The following PXDNL variants were observed in gnomAD, a reference collection of about 807,000 sequenced individuals.
PXDNL encodes the protein probable oxidoreductase PXDNL.
Under a neutral mutation model 150.8 loss-of-function variants are expected in PXDNL, and 145 were observed. That is an observed-to-expected ratio of 0.96 (90% CI 0.84 to 1.10). PXDNL has a LOEUF of 1.10. Ranked by LOEUF, PXDNL falls within the 50% of genes least tolerant of loss-of-function variation. The pLI is 0.00. For synonymous variants in PXDNL, 757 were observed against 725.7 expected, an observed-to-expected ratio of 1.04 and a Z score of -0.69; for missense variants, 2,087 against 1,873.9, an observed-to-expected ratio of 1.11 and a Z score of -2.10.
In PXDNL at chr8:51,534,773, C is replaced by T. The variant is rs1454586411; in HGVS notation, c.380+22067G>A. 1.1e-4 allele frequency among the ~76,000 whole-genome samples: 15 copies of T among 135,102 alleles called. No individual in the cohort carries two copies. The East Asian group carries it at 3.3e-3, about 29-fold the overall frequency. The allele number at this position is 135,102 out of a possible 152,430, so 88.6% of individuals were successfully genotyped here. On this transcript the variant is annotated intron_variant, in intron 4 of 22. Coordinates refer to ENST00000356297, the MANE Select transcript of PXDNL (RefSeq NM_144651.5). Reference sequence around the variant, plus strand: ...GGGGGTCAGCCCCCCGCCCGGCCAGCCGCCCCGTCCGGGAGGGAGGTGGGG... The same window carrying T: ...GGGGGTCAGCCCCCCGCCCGGCCAGTCGCCCCGTCCGGGAGGGAGGTGGGG...
At chr8:51,583,301 G>A (rs1296321753) in intron 3 of PXDNL, among the ~76,000 whole-genome samples, 1 of 152,106 alleles carries the variant, frequency 6.6e-6, no homozygotes. Flanking sequence ...GCTGACCATC[G>A]TGGTGGAAGG....
At chr8:51,525,944 G>A (rs758633672) in intron 4 of PXDNL, among the ~76,000 whole-genome samples, 33 of 152,220 alleles carry the variant, frequency 2.2e-4, no homozygotes, top group Non-Finnish European at 4.4e-4. Flanking sequence ...AGAATACTGC[G>A]CTGTGTGTCA....
At chr8:51,484,548 C>G (rs998946386) in intron 5 of PXDNL, among the ~76,000 whole-genome samples, 2 of 152,164 alleles carry the variant, frequency 1.3e-5, no homozygotes, top group Non-Finnish European at 2.9e-5. Context: ...CAAGCTCTGC[C>G]TGTCGCTTAC....
intron 4 of PXDNL, among the ~76,000 whole-genome samples, chr8:51,536,835 A>G (rs964436191): frequency 6.6e-6 from 1 of 152,158 alleles, no homozygotes; most frequent in African/African-American, 2.4e-5. Context: ...GATTTTTGCA[A>G]CAAACGTGCT....
chr8:51,586,729 T>C (rs1380710668), intron 3 of PXDNL, among the ~76,000 whole-genome samples: 1 of 152,180 alleles, frequency 6.6e-6, no homozygotes, highest in Non-Finnish European at 1.5e-5. Context: ...ATGCTAAGGA[T>C]ACAATTGCAA....
At chr8:51,730,226 C>T (rs1252939257) in intron 1 of PXDNL, among the ~76,000 whole-genome samples, 1 of 152,158 alleles carries the variant, frequency 6.6e-6, no homozygotes, top group African/African-American at 2.4e-5. Context: ...TATGGGCCCT[C>T]TCTGTACTGT....
intron 4 of PXDNL, among the ~76,000 whole-genome samples, chr8:51,539,862 C>T (rs1286947840): frequency 1.3e-5 from 2 of 151,556 alleles, no homozygotes; most frequent in Admixed American, 6.6e-5. Flanking sequence ...AGCTTGAGGT[C>T]TATCAATATT....
At chr8:51,704,499 GAAATT>G (rs1193292585) in intron 1 of PXDNL, among the ~76,000 whole-genome samples, 2 of 152,146 alleles carry the variant, frequency 1.3e-5, no homozygotes, top group African/African-American at 2.4e-5. Flanking sequence ...TATGTACCTG[GAAATT>G]AAATTACCTG....
intron 4 of PXDNL, among the ~76,000 whole-genome samples, chr8:51,538,727 G>C (rs1017860822): frequency 6.6e-6 from 1 of 152,080 alleles, no homozygotes; most frequent in East Asian, 1.9e-4. Context: ...GATCGTGCCA[G>C]TACACTACAG....
chr8:51,808,719 C>T (rs1166285789), intron 1 of PXDNL, among the ~76,000 whole-genome samples: 4 of 152,168 alleles, frequency 2.6e-5, no homozygotes, highest in African/African-American at 9.7e-5. Flanking sequence ...ACTTCACCCT[C>T]CCAGGAGGTA....
intron 4 of PXDNL, among the ~76,000 whole-genome samples, chr8:51,554,522 A>T (rs1161060632): frequency 3.9e-5 from 6 of 152,158 alleles, no homozygotes; most frequent in African/African-American, 9.7e-5. Context: ...TTAATTATAA[A>T]GGTCATCTTT....
chr8:51,516,537 G>A (rs534423106), intron 4 of PXDNL, among the ~76,000 whole-genome samples: 21 of 152,264 alleles, frequency 1.4e-4, no homozygotes, highest in Admixed American at 3.3e-4. Context: ...TGTTGATGGC[G>A]CTTTATTTTA....
At chr8:51,758,632 G>T (rs1408174011) in intron 1 of PXDNL, among the ~76,000 whole-genome samples, 4 of 152,098 alleles carry the variant, frequency 2.6e-5, no homozygotes, top group Non-Finnish European at 5.9e-5. Flanking sequence ...AGATCTGATG[G>T]TTTTATAAAC....
At chr8:51,464,193 G>C (rs1469296820) in intron 8 of PXDNL, among the ~76,000 whole-genome samples, 1 of 151,964 alleles carries the variant, frequency 6.6e-6, no homozygotes, top group East Asian at 1.9e-4. Flanking sequence ...GCAAGACCCT[G>C]TATCTACAAA....
chr8:51,578,539 T>G (rs928498682), intron 3 of PXDNL, among the ~76,000 whole-genome samples: 1 of 151,958 alleles, frequency 6.6e-6, no homozygotes, highest in African/African-American at 2.4e-5. Flanking sequence ...AGTAAATATG[T>G]CATTTAGCCC....
intron 1 of PXDNL, among the ~76,000 whole-genome samples, chr8:51,660,026 A>C (rs1815238160): frequency 6.6e-6 from 1 of 151,682 alleles, no homozygotes; most frequent in South Asian, 2.1e-4. Context: ...AGTAGCTGGG[A>C]TTGCAGGCGC....
At chr8:51,373,827 AC>A (rs1195568818) in intron 18 of PXDNL, among the ~76,000 whole-genome samples, 1 of 152,222 alleles carries the variant, frequency 6.6e-6, no homozygotes, top group Non-Finnish European at 1.5e-5. Context: ...TTCAGAAGAT[AC>A]CATGCCCTGG....
intron 12 of PXDNL, among the ~76,000 whole-genome samples, chr8:51,443,611 C>T (rs1453120620): frequency 2.0e-5 from 3 of 152,132 alleles, no homozygotes; most frequent in East Asian, 1.9e-4. Flanking sequence ...CAATTATAAA[C>T]TCATGGCATT....
chr8:51,371,077 G>C (rs530379660), intron 19 of PXDNL, among the ~76,000 whole-genome samples: 1 of 152,322 alleles, frequency 6.6e-6, no homozygotes, highest in African/African-American at 2.4e-5. Context: ...TTGGCGTCCA[G>C]AGGAACTGCA....
Sources: allele counts gnomAD v4.1 joint callset (sites outside exome capture counted in the v4.1 genomes callset), GRCh38; gene constraint gnomAD v4.1.1; transcripts MANE v1.5; gene names NCBI Gene and HGNC (gene_info 2026-07-23, HGNC 2026-07-21).